ANKRD22: variants seen among roughly 807,000 people sequenced by gnomAD.
The protein encoded by ANKRD22 is ankyrin repeat domain 22, also known as ankyrin repeat domain-containing protein 22.
ANKRD22 carries 24 observed loss-of-function variants against 25.7 expected under a neutral mutation model. The ratio of observed to expected loss-of-function variants is 0.93; its 90% CI spans 0.68 to 1.31. The LOEUF (loss-of-function observed/expected upper bound fraction) is 1.31, where lower values mean the gene tolerates loss of function less well. ANKRD22 is among the 50% of genes most tolerant of loss of function. ANKRD22 has a pLI of 0.00. For synonymous variants in ANKRD22, 84 were observed against 84.3 expected (o/e 1.00, Z 0.02); for missense variants, 214 against 227.1 (o/e 0.94, Z 0.37).
chr10:88,845,901 C>A (rs528092654), intron 1 of ANKRD22, among the ~76,000 whole-genome samples: 1 of 152,212 alleles, frequency 6.6e-6, no homozygotes, highest in African/African-American at 2.4e-5. Flanking sequence ...AAATTTTTCA[C>A]CTTGGCCTAC....
intron 3 of ANKRD22, 47 bp downstream of exon 3, chr10:88,828,512 C>T: frequency 7.3e-7 from 1 of 1,369,906 alleles, no homozygotes; most frequent in Non-Finnish European, 1.0e-6. Context: ...ATGAGTCACA[C>T]CATCGATCTC....
chr10:88,826,261 C>T, intron 3 of ANKRD22, 146 bp from the exon 4 acceptor site: 3 of 655,956 alleles, frequency 4.6e-6, no homozygotes, highest in Admixed American at 3.1e-5. Flanking sequence ...CCCAGCTTCT[C>T]ACTCACTCTA....
chr10:88,834,662 C>T (rs1843935836), intron 1 of ANKRD22, among the ~76,000 whole-genome samples: 3 of 152,172 alleles, frequency 2.0e-5, no homozygotes, highest in African/African-American at 7.2e-5. Context: ...TGGCTGGGCG[C>T]GATGGCTTAC....
At chr10:88,829,132 A>T (rs1347827768) in intron 2 of ANKRD22, among the ~76,000 whole-genome samples, 1 of 152,238 alleles carries the variant, frequency 6.6e-6, no homozygotes, top group Non-Finnish European at 1.5e-5. Context: ...AAGAATGCAT[A>T]TAACTCAATT....
intron 1 of ANKRD22, 65 bp from the exon 2 acceptor site, chr10:88,832,091 A>C (rs1021952790): frequency 6.9e-7 from 1 of 1,453,938 alleles, no homozygotes; most frequent in Non-Finnish European, 9.3e-7. Flanking sequence ...AAAACGAAAA[A>C]AAAGTCATAA....
intron 1 of ANKRD22, among the ~76,000 whole-genome samples, chr10:88,833,790 A>T (rs774101210): frequency 2.1e-4 from 32 of 152,204 alleles, no homozygotes; most frequent in Non-Finnish European, 1.6e-4. Flanking sequence ...TGTTATCCTG[A>T]AGTCTTCCCT....
At chr10:88,835,217 T>C (rs1000661155) in intron 1 of ANKRD22, among the ~76,000 whole-genome samples, 2 of 152,208 alleles carry the variant, frequency 1.3e-5, no homozygotes, top group African/African-American at 2.4e-5. Flanking sequence ...AGTCACTCAG[T>C]GCTTTTGAGG....
intron 1 of ANKRD22, among the ~76,000 whole-genome samples, chr10:88,832,881 T>A (rs1263619192): frequency 6.6e-6 from 1 of 152,210 alleles, no homozygotes; most frequent in African/African-American, 2.4e-5. Flanking sequence ...CCATGTTTGG[T>A]ACCTTCCATC....
chr10:88,837,648 A>T (rs967395344), intron 1 of ANKRD22, among the ~76,000 whole-genome samples: 4 of 152,190 alleles, frequency 2.6e-5, no homozygotes, highest in Non-Finnish European at 5.9e-5. Flanking sequence ...ATACATCTAG[A>T]TAACTAATAT....
Position 88,836,481 on chromosome 10 carries a change from A to G in ANKRD22, c.22-4455T>C, listed in dbSNP as rs79064979. Among the ~76,000 whole-genome samples, 249 of 152,362 alleles carry G rather than the reference A, an allele frequency of 1.6e-3. 1 individual carries two copies. Among genetic ancestry groups the G allele is most frequent in the African/African-American group, 5.5e-3 (230 of 41,582 alleles). Reference sequence around the variant, plus strand: ...AATATACCTGTTTTGCACAGATGAAACTAAGGGAAATTGTTTTCCTTGCCC... The same window carrying G: ...AATATACCTGTTTTGCACAGATGAAGCTAAGGGAAATTGTTTTCCTTGCCC... On this transcript the variant is annotated intron_variant, in intron 1 of 5. Coordinates refer to ENST00000371930, the MANE Select transcript of ANKRD22 (RefSeq NM_144590.3).
chr10:88,847,137 T>C (rs1310349119), intron 1 of ANKRD22, among the ~76,000 whole-genome samples: 4 of 152,190 alleles, frequency 2.6e-5, no homozygotes, highest in Non-Finnish European at 5.9e-5. Flanking sequence ...ATTGGGATCT[T>C]CATTTGTAGC....
At chr10:88,849,556 G>A (rs1361305518) in intron 1 of ANKRD22, among the ~76,000 whole-genome samples, 1 of 152,134 alleles carries the variant, frequency 6.6e-6, no homozygotes, top group East Asian at 1.9e-4. Flanking sequence ...GTGTAACTAT[G>A]AGCCAGTGAC....
rs1386681436 is a variant in ANKRD22 at position 88,822,953 on chromosome 10, C to T, written c.564G>A (p.Arg188=). ...LKFSQIELML[R]KAL The stretch of plus-strand genomic sequence containing the variant: ...GTGGTCACAAGGATTACAATGCTTT[C>T]CTTAGCATTAATTCAATCTGGGAAA... Residue 188 remains arginine, a synonymous_variant, in exon 6 of 6, where the codon AGG becomes AGA. Transcript: ENST00000371930. 3.1e-6 allele frequency: 5 copies of T among 1,604,526 alleles called. No individual in the cohort carries two copies. The highest frequency in any genetic ancestry group is 4.3e-6 in the Non-Finnish European group (5 of 1,173,582).
chr10:88,836,691 T>A (rs1843957079), intron 1 of ANKRD22, among the ~76,000 whole-genome samples: 1 of 152,222 alleles, frequency 6.6e-6, no homozygotes, highest in Non-Finnish European at 1.5e-5. Flanking sequence ...TTCGGGATAT[T>A]GATCTGTCCA....
chr10:88,826,220 T>C, intron 3 of ANKRD22, 105 bp from the exon 4 acceptor site: 5 of 880,320 alleles, frequency 5.7e-6, no homozygotes, highest in Non-Finnish European at 8.8e-6. Context: ...CCAACACTCC[T>C]ATGCATGCAT....
At chr10:88,849,127 TGG>T (rs1038765146) in intron 1 of ANKRD22, among the ~76,000 whole-genome samples, 7 of 152,120 alleles carry the variant, frequency 4.6e-5, no homozygotes, top group African/African-American at 1.4e-4. Context: ...AAACGCTTTT[TGG>T]GGCCTGTGTC....
chr10:88,833,252 C>T (rs536539998), intron 1 of ANKRD22, among the ~76,000 whole-genome samples: 1 of 151,298 alleles, frequency 6.6e-6, no homozygotes, highest in South Asian at 2.1e-4. Flanking sequence ...GACTAATCTT[C>T]AGATGATGTC....
At position 88,823,263 on chromosome 10, in the gene ANKRD22, G is replaced by A. The variant is rs73354431; in HGVS notation, c.498+17C>T. 5.4e-3 allele frequency: 8,689 copies of A among 1,596,664 alleles called. 423 individuals are homozygous for A. The African/African-American group carries it at 0.1, about 19-fold the overall frequency. On this transcript the variant is annotated intron_variant, in intron 5 of 5. Transcript: ENST00000371930. ...TGCTGCTAGAGGAACCTCAGACCAC[G>A]GTCCACCCTCCCTTACCTTATTCTT... is the stretch of plus-strand genomic sequence containing the variant.
rs761875744 is a variant in ANKRD22, at chr10:88,831,886, T to C, written c.162A>G (p.Arg54=). ...TTCTTCTTAAAAGGAAGGAAACGAT[T>C]CTCACATGCCCTCGCCTGCAAGCAC... ...LICACRRGHV[R]IVSFLLRRNA... is the part of the protein sequence containing the mutation. The change falls in exon 2 of 6, where the codon AGA becomes AGG. Residue 54 remains arginine (R), a synonymous_variant. Coordinates refer to ENST00000371930, the MANE Select transcript of ANKRD22 (RefSeq NM_144590.3). 6.2e-7 allele frequency: 1 copy of C among 1,612,372 alleles called. No homozygotes were observed. The highest frequency in any genetic ancestry group is 2.2e-5 in the East Asian group (1 of 44,810).
Sources: allele counts gnomAD v4.1 joint callset (sites outside exome capture counted in the v4.1 genomes callset), GRCh38; gene constraint gnomAD v4.1.1; transcripts MANE v1.5; gene names NCBI Gene and HGNC (gene_info 2026-07-23, HGNC 2026-07-21).